The following CAMTA1 variants were observed in gnomAD, a reference collection of about 807,000 sequenced individuals.
The protein encoded by CAMTA1 is calmodulin-binding transcription activator 1.
A neutral mutation model predicts 170.9 loss-of-function variants in CAMTA1; 27 were observed. The ratio of observed to expected loss-of-function variants is 0.16; its 90% CI spans 0.12 to 0.22. The LOEUF (loss-of-function observed/expected upper bound fraction) is 0.22, where lower values mean the gene tolerates loss of function less well. CAMTA1 is among the 10% of genes least tolerant of loss of function. The pLI, the probability that CAMTA1 is intolerant of heterozygous loss-of-function variation, is 1.00. For synonymous variants in CAMTA1, 833 were observed against 891.5 expected (o/e 0.93, Z 1.17); for missense variants, 1,619 against 2,217.2 (o/e 0.73, Z 5.42).
rs76692054 is a variant in CAMTA1 at position 7,146,002 on chromosome 1, A to G, written c.302+54631A>G. On this transcript the variant is annotated intron_variant, in intron 4 of 22. Transcript: ENST00000303635. The surrounding 1 kb of genome is among the most constrained non-coding windows in gnomAD (Gnocchi z 4.3). ...GTAGCAGAGATAATCTCAACCGTCT[A>G]GGTGGTGGCATGCATGAATGATAGC... Among the ~76,000 whole-genome samples, 1,849 of 152,262 alleles carry G rather than the reference A, an allele frequency of 0.012. 34 individuals are homozygous for G. The highest frequency in any genetic ancestry group is 0.042 in the African/African-American group (1,738 of 41,532).
chr1:7,379,812 A>G (rs960301792), intron 5 of CAMTA1, among the ~76,000 whole-genome samples: 1 of 152,158 alleles, frequency 6.6e-6, no homozygotes, highest in African/African-American at 2.4e-5. Flanking sequence ...TCTTCCTCCT[A>G]AGGACAGCTT....
At position 7,435,095 on chromosome 1, in the gene CAMTA1, G is replaced by A. The variant is rs376678857; in HGVS notation, c.439-32735G>A. Among the ~76,000 whole-genome samples, 53 of 152,274 alleles carry A rather than the reference G, an allele frequency of 3.5e-4. 1 individual carries two copies. The South Asian group carries it at 0.011, about 32-fold the overall frequency. On this transcript the variant is annotated intron_variant, in intron 5 of 22. Transcript: ENST00000303635. The surrounding 1 kb of genome is among the most constrained non-coding windows in gnomAD (Gnocchi z 4.4). ...AAAGAAGGCAGAGGGCATGCTAGCT[G>A]AATGCTGCCTGAAGCCTTTTTTATA...
chr1:7,701,257 TAGC>T (rs2096436269), intron 11 of CAMTA1, among the ~76,000 whole-genome samples: 2 of 152,140 alleles, frequency 1.3e-5, no homozygotes, highest in African/African-American at 2.4e-5. Context: ...GCAGGAGACT[TAGC>T]AGCAGCGTGA....
chr1:7,284,890 A>G (rs1672136358), intron 5 of CAMTA1, among the ~76,000 whole-genome samples: 1 of 152,126 alleles, frequency 6.6e-6, no homozygotes, highest in Non-Finnish European at 1.5e-5. Context: ...ACTCCTTCCT[A>G]GAGAATCCAC....
chr1:7,329,675 G>T (rs2082900496), intron 5 of CAMTA1, among the ~76,000 whole-genome samples: 1 of 152,132 alleles, frequency 6.6e-6, no homozygotes, highest in Non-Finnish European at 1.5e-5. Context: ...GTGTGTGATG[G>T]TATTGAGATG....
intron 4 of CAMTA1, among the ~76,000 whole-genome samples, chr1:7,122,727 G>A (rs1208893852): frequency 5.9e-5 from 9 of 152,104 alleles, no homozygotes; most frequent in Admixed American, 1.3e-4. Flanking sequence ...ATGCTGGAGT[G>A]CAAGGCCGCC....
At chr1:7,294,470 G>A (rs1365623141) in intron 5 of CAMTA1, among the ~76,000 whole-genome samples, 1 of 152,224 alleles carries the variant, frequency 6.6e-6, no homozygotes, top group Admixed American at 6.5e-5. Flanking sequence ...GGGCAGCAGT[G>A]TGCGGGGGAC....
At position 7,732,373 on chromosome 1, in the gene CAMTA1, C is replaced by T; in HGVS notation, c.2915-75C>T. 1 of 1,352,794 alleles carries T rather than the reference C, an allele frequency of 7.4e-7. No individual in the cohort carries two copies. Among genetic ancestry groups the T allele is most frequent in the Non-Finnish European group, 1.1e-6 (1 of 948,940 alleles). 83.8% of individuals were successfully genotyped at this position (1,352,794 alleles called of 1,614,324 possible). On this transcript the variant is annotated intron_variant, in intron 11 of 22. Coordinates refer to ENST00000303635, the MANE Select transcript of CAMTA1 (RefSeq NM_015215.4). The surrounding 1 kb of genome is among the most constrained non-coding windows in gnomAD (Gnocchi z 4.1). ...GGACGGCATTTGGATGCTGGTCCCG[C>T]AAGGCTGGCGAGGCCACGTGTTGAC...
At chr1:7,647,143 A>G (rs1383003238) in intron 7 of CAMTA1, among the ~76,000 whole-genome samples, 1 of 152,194 alleles carries the variant, frequency 6.6e-6, no homozygotes, top group Non-Finnish European at 1.5e-5. Context: ...CGCAGAGCCC[A>G]GGATCCCCAG....
chr1:7,404,222 C>T (rs768983043), intron 5 of CAMTA1, among the ~76,000 whole-genome samples: 7 of 152,218 alleles, frequency 4.6e-5, no homozygotes, highest in Non-Finnish European at 8.8e-5. Context: ...GAGCTCGCCA[C>T]GCTCTGGACC....
At chr1:7,347,902 A>G (rs2084342935) in intron 5 of CAMTA1, among the ~76,000 whole-genome samples, 1 of 152,184 alleles carries the variant, frequency 6.6e-6, no homozygotes, top group South Asian at 2.1e-4. Flanking sequence ...TTCCACCCAC[A>G]AAGACTGTAT....
chr1:7,748,449 T>C lies in CAMTA1; in HGVS notation c.4689+668T>C, dbSNP rs2096873194. 6.6e-6 allele frequency among the ~76,000 whole-genome samples: 1 copy of C among 151,930 alleles called. No individual in the cohort carries two copies. The highest frequency in any genetic ancestry group is 2.4e-5 in the African/African-American group (1 of 41,336). ...CAATTAGACTTGTACCGCAAAAGGG[T>C]TTTTGTCCAAATTTTTGATCTTTTA... is the stretch of plus-strand genomic sequence containing the variant. On this transcript the variant is annotated intron_variant, in intron 19 of 22. Transcript: ENST00000303635. The surrounding 1 kb of genome is among the most constrained non-coding windows in gnomAD (Gnocchi z 4.7).
chr1:7,526,018 G>A (rs1222591172), intron 6 of CAMTA1, among the ~76,000 whole-genome samples: 1 of 152,080 alleles, frequency 6.6e-6, no homozygotes, highest in East Asian at 1.9e-4. Context: ...AAAAAATTGT[G>A]AAGCCAAATA....
intron 22 of CAMTA1, among the ~76,000 whole-genome samples, chr1:7,757,021 C>T (rs2096936310): frequency 6.6e-6 from 1 of 152,140 alleles, no homozygotes; most frequent in Non-Finnish European, 1.5e-5. Flanking sequence ...CAACTATATT[C>T]AATGCCCCCT....
chr1:7,123,268 C>T (rs769647196), intron 4 of CAMTA1, among the ~76,000 whole-genome samples: 2 of 152,138 alleles, frequency 1.3e-5, no homozygotes, highest in African/African-American at 2.4e-5. Flanking sequence ...CTTGGCCTGT[C>T]GGTGGCTGTC....
intron 6 of CAMTA1, among the ~76,000 whole-genome samples, chr1:7,554,716 A>G (rs2150207969): frequency 6.6e-6 from 1 of 152,188 alleles, no homozygotes; most frequent in South Asian, 2.1e-4. Flanking sequence ...TTTGACCACA[A>G]GCTGGGTTCT....
In CAMTA1 at chr1:7,338,035, G is replaced by A. The variant is rs184420325; in HGVS notation, c.438+88409G>A. 1.5e-4 allele frequency among the ~76,000 whole-genome samples: 23 copies of A among 151,186 alleles called. 1 individual carries two copies. The highest frequency in any genetic ancestry group is 5.6e-4 in the African/African-American group (23 of 41,140). On this transcript the variant is annotated intron_variant, in intron 5 of 22. Transcript: ENST00000303635. ...AACATATATACATATATACATATAT[G>A]TACATATATATTATATACACACAAT...
At chr1:6,942,527 T>C (rs1191764516) in intron 3 of CAMTA1, among the ~76,000 whole-genome samples, 1 of 152,068 alleles carries the variant, frequency 6.6e-6, no homozygotes, top group African/African-American at 2.4e-5. Flanking sequence ...TAGCTGGATG[T>C]GGTGGCCTAT....
intron 6 of CAMTA1, among the ~76,000 whole-genome samples, chr1:7,590,274 TGA>T (rs2095345838): frequency 6.6e-6 from 1 of 152,178 alleles, no homozygotes; most frequent in Admixed American, 6.5e-5. Context: ...TGGCCAGGGC[TGA>T]TCCTGAGCCT....
Sources: gnomAD v4.1 joint callset for allele counts (sites outside exome capture counted in the v4.1 genomes callset) on GRCh38, gnomAD v4.1.1 for gene constraint, Gnocchi (gnomAD v3.1) non-coding constraint, MANE v1.5 for transcripts, NCBI Gene and HGNC (gene_info 2026-07-23, HGNC 2026-07-21) for gene names.